The following VEPH1 variants were observed in gnomAD, a reference collection of about 807,000 sequenced individuals.
The protein encoded by VEPH1 is ventricular zone-expressed PH domain-containing protein homolog 1.
A neutral mutation model predicts 85.2 loss-of-function variants in VEPH1; 80 were observed. That is an observed-to-expected ratio of 0.94 (90% CI 0.78 to 1.13). The LOEUF is 1.13. VEPH1 is among the 50% of genes most tolerant of loss of function. The probability of loss-of-function intolerance (pLI) is 0.00; values close to 1 mark genes in which losing one functional copy is unlikely to be tolerated. For missense variants in VEPH1, 955 were observed against 980.5 expected (o/e 0.97, Z 0.35); for synonymous variants, 297 against 348.0 (o/e 0.85, Z 1.63).
intron 3 of VEPH1, among the ~76,000 whole-genome samples, chr3:157,464,464 C>T (rs1736173138): frequency 6.6e-6 from 1 of 152,158 alleles, no homozygotes; most frequent in Non-Finnish European, 1.5e-5. Context: ...AATGCCAGAG[C>T]CTATGAAAGA....
At chr3:157,398,136 T>A (rs2108960177) in intron 6 of VEPH1, among the ~76,000 whole-genome samples, 1 of 152,314 alleles carries the variant, frequency 6.6e-6, no homozygotes, top group East Asian at 1.9e-4. Flanking sequence ...AACTTATTTG[T>A]GTTCTCACAA....
At chr3:157,318,436 C>T (rs1247289304) in intron 9 of VEPH1, among the ~76,000 whole-genome samples, 3 of 151,856 alleles carry the variant, frequency 2.0e-5, no homozygotes, top group African/African-American at 4.8e-5. Context: ...GGTGAAACCC[C>T]TTCTCTACAA....
At chr3:157,394,537 T>C (rs1730184920) in intron 6 of VEPH1, among the ~76,000 whole-genome samples, 1 of 152,176 alleles carries the variant, frequency 6.6e-6, no homozygotes, top group African/African-American at 2.4e-5. Flanking sequence ...TATAAGAGGT[T>C]TAATTGGTTC....
intron 9 of VEPH1, among the ~76,000 whole-genome samples, chr3:157,336,482 T>G (rs988587): frequency 0.69 from 105,147 of 152,112 alleles, 36,664 homozygotes; most frequent in East Asian, 0.78. Flanking sequence ...TTACCGCTAG[T>G]TCAGTGAACA....
At chr3:157,467,228 G>A (rs1161348702) in intron 3 of VEPH1, among the ~76,000 whole-genome samples, 2 of 151,652 alleles carry the variant, frequency 1.3e-5, no homozygotes, top group East Asian at 3.9e-4. Context: ...GCAGGAAGAA[G>A]AAATGACTGG....
At chr3:157,270,891 G>A (rs908057900) in intron 12 of VEPH1, among the ~76,000 whole-genome samples, 1 of 152,012 alleles carries the variant, frequency 6.6e-6, no homozygotes, top group Non-Finnish European at 1.5e-5. Flanking sequence ...CATTTGAAGA[G>A]CAGAAATTCC....
intron 4 of VEPH1, among the ~76,000 whole-genome samples, chr3:157,439,229 G>A (rs894088054): frequency 6.6e-6 from 1 of 152,132 alleles, no homozygotes; most frequent in Non-Finnish European, 1.5e-5. Flanking sequence ...TACATATAAT[G>A]CACCTGAAAA....
At chr3:157,442,643 G>A in intron 4 of VEPH1, 1 of 1,614,230 alleles carries the variant, frequency 6.2e-7, no homozygotes. Flanking sequence ...GGACCCACCT[G>A]TGCGGCACCT....
chr3:157,386,798 T>C (rs1333670062), intron 6 of VEPH1, among the ~76,000 whole-genome samples: 1 of 152,236 alleles, frequency 6.6e-6, no homozygotes, highest in Non-Finnish European at 1.5e-5. Context: ...CACTGTCTTG[T>C]CTTGGTTTGT....
At chr3:157,357,497 T>C (rs2108746812) in intron 9 of VEPH1, among the ~76,000 whole-genome samples, 1 of 144,408 alleles carries the variant, frequency 6.9e-6, no homozygotes, top group Non-Finnish European at 1.5e-5. Flanking sequence ...GTAAGAAACT[T>C]TTTTTTTTTT....
intron 9 of VEPH1, among the ~76,000 whole-genome samples, chr3:157,321,495 C>T (rs1275701337): frequency 6.6e-6 from 1 of 152,160 alleles, no homozygotes; most frequent in Non-Finnish European, 1.5e-5. Context: ...GCTTTGTTAT[C>T]TCCATCTTAC....
chr3:157,463,646 G>C (rs1736089793), intron 3 of VEPH1, among the ~76,000 whole-genome samples: 1 of 152,128 alleles, frequency 6.6e-6, no homozygotes, highest in Non-Finnish European at 1.5e-5. Context: ...GCACGTGCTT[G>C]GTTGGAACAC....
chr3:157,386,329 C>G (rs562664599), intron 6 of VEPH1, among the ~76,000 whole-genome samples: 1 of 144,146 alleles, frequency 6.9e-6, no homozygotes, highest in African/African-American at 2.6e-5. Flanking sequence ...CTTAAGATAA[C>G]CACTGAATTT....
chr3:157,333,347 C>G (rs972480006), intron 9 of VEPH1, among the ~76,000 whole-genome samples: 1 of 152,124 alleles, frequency 6.6e-6, no homozygotes, highest in Admixed American at 6.5e-5. Flanking sequence ...CGGAAGACCT[C>G]AACTTTTTCC....
At chr3:157,370,777 C>A (rs1396007635) in intron 7 of VEPH1, among the ~76,000 whole-genome samples, 1 of 152,078 alleles carries the variant, frequency 6.6e-6, no homozygotes, top group Non-Finnish European at 1.5e-5. Context: ...TTCATTTACA[C>A]AAAATTTTAA....
At chr3:157,407,905 A>G (rs1472452021) in intron 6 of VEPH1, among the ~76,000 whole-genome samples, 1 of 152,212 alleles carries the variant, frequency 6.6e-6, no homozygotes, top group African/African-American at 2.4e-5. Flanking sequence ...ACAGATGAGG[A>G]AACTGAGTCA....
At chr3:157,441,756 G>A (rs1293487848) in intron 4 of VEPH1, among the ~76,000 whole-genome samples, 1 of 151,526 alleles carries the variant, frequency 6.6e-6, no homozygotes, top group African/African-American at 2.4e-5. Flanking sequence ...GTTGCCGTGA[G>A]TCGAGATCGC....
chr3:157,420,702 T>C (rs529627858), intron 5 of VEPH1, among the ~76,000 whole-genome samples: 1 of 152,280 alleles, frequency 6.6e-6, no homozygotes, highest in East Asian at 1.9e-4. Context: ...TGAATAGGAA[T>C]GCTCTACACT....
chr3:157,351,469 C>T (rs1301614755), intron 9 of VEPH1, among the ~76,000 whole-genome samples: 1 of 152,096 alleles, frequency 6.6e-6, no homozygotes, highest in Non-Finnish European at 1.5e-5. Context: ...GCTGGGATTA[C>T]AGGCGTGAGC....
Sources: allele counts gnomAD v4.1 joint callset (sites outside exome capture counted in the v4.1 genomes callset), GRCh38; gene constraint gnomAD v4.1.1; transcripts MANE v1.5; gene names NCBI Gene and HGNC (gene_info 2026-07-23, HGNC 2026-07-21).